Variants in RHOA observed in about 807,000 individuals in gnomAD.
RHOA encodes ras homolog family member A, also known as transforming protein RhoA.
In RHOA, 3 loss-of-function variants were observed where a neutral mutation model predicts 17.5. The observed-to-expected ratio is 0.17, with a 90% CI of 0.08 to 0.44. The LOEUF (loss-of-function observed/expected upper bound fraction) is 0.44. Ranked by LOEUF, RHOA falls within the 20% of genes least tolerant of loss-of-function variation. The probability of loss-of-function intolerance (pLI) is 0.99; values close to 1 mark genes in which losing one functional copy is unlikely to be tolerated. For synonymous variants in RHOA, 98 were observed against 88.4 expected, an observed-to-expected ratio of 1.11 and a Z score of -0.61; for missense variants, 56 against 242.3, an observed-to-expected ratio of 0.23 and a Z score of 5.10.
chr3:49,387,031 C>T (rs1234770693), intron 1 of RHOA, among the ~76,000 whole-genome samples: 62 of 133,192 alleles, frequency 4.7e-4, no homozygotes, highest in African/African-American at 1.6e-3. Flanking sequence ...GCAGGAGAAC[C>T]GCTTGAACCT....
Position 49,402,458 on chromosome 3 carries a change from G to C in RHOA, c.-3+9362C>G, listed in dbSNP as rs549272376. The stretch of plus-strand genomic sequence containing the variant: ...ATAATCCCACCACTTTGCGAGGCCA[G>C]AGCTCAGGAGTTAGAGACCAGCCTG... On this transcript the variant is annotated intron_variant, in intron 1 of 4. Coordinates refer to ENST00000418115, the MANE Select transcript of RHOA (RefSeq NM_001664.4). Among the ~76,000 whole-genome samples, 14 of 152,236 alleles carry C rather than the reference G, an allele frequency of 9.2e-5. No individual in the cohort carries two copies. The South Asian group carries it at 2.7e-3, about 29-fold the overall frequency.
intron 1 of RHOA, among the ~76,000 whole-genome samples, chr3:49,396,776 C>G (rs188489014): frequency 6.6e-6 from 1 of 151,936 alleles, no homozygotes; most frequent in African/African-American, 2.4e-5. Context: ...TGCTTAAGCA[C>G]GAGTTCAACA....
chr3:49,361,777 A>G (rs1167442072), intron 4 of RHOA, among the ~76,000 whole-genome samples: 1 of 152,204 alleles, frequency 6.6e-6, no homozygotes, highest in Non-Finnish European at 1.5e-5. Flanking sequence ...GCAACTTGGG[A>G]GGCTGAGGCA....
chr3:49,401,254 G>C (rs1345570467), intron 1 of RHOA, among the ~76,000 whole-genome samples: 2 of 152,044 alleles, frequency 1.3e-5, no homozygotes, highest in East Asian at 1.9e-4. Context: ...ACCAGGTGTG[G>C]TGGCTCACAA....
chr3:49,392,082 C>A (rs1362393442), intron 1 of RHOA, among the ~76,000 whole-genome samples: 2 of 151,890 alleles, frequency 1.3e-5, no homozygotes, highest in African/African-American at 4.8e-5. Flanking sequence ...CAGCCTCAGC[C>A]CCCGCAAAGT....
At chr3:49,372,401 C>G (rs1001602982) in intron 2 of RHOA, among the ~76,000 whole-genome samples, 7 of 152,132 alleles carry the variant, frequency 4.6e-5, no homozygotes, top group African/African-American at 1.2e-4. Context: ...TTCCTATTAG[C>G]ATAAGAGCAA....
chr3:49,361,627 T>C (rs1393056562), intron 4 of RHOA, among the ~76,000 whole-genome samples: 5 of 152,144 alleles, frequency 3.3e-5, no homozygotes, highest in Non-Finnish European at 7.4e-5. Flanking sequence ...ACACCTGTAA[T>C]CCCAGCACTT....
chr3:49,364,466 C>CAAG (rs2048022443), intron 3 of RHOA, among the ~76,000 whole-genome samples: 1 of 151,206 alleles, frequency 6.6e-6, no homozygotes, highest in African/African-American at 2.4e-5. Context: ...GCCTGGGCAA[C>CAAG]AAGAGCGAAA....
intron 2 of RHOA, among the ~76,000 whole-genome samples, chr3:49,374,628 A>G (rs1018689773): frequency 6.6e-6 from 1 of 152,130 alleles, no homozygotes; most frequent in African/African-American, 2.4e-5. Context: ...AGGCTGAGGC[A>G]AAAGAATTGC....
At chr3:49,388,203 T>C (rs1430432726) in intron 1 of RHOA, among the ~76,000 whole-genome samples, 1 of 151,970 alleles carries the variant, frequency 6.6e-6, no homozygotes. Flanking sequence ...GGTGTGTGTG[T>C]GGAGACGGGG....
intron 1 of RHOA, among the ~76,000 whole-genome samples, chr3:49,392,629 G>C (rs1377050259): frequency 3.9e-5 from 6 of 152,092 alleles, no homozygotes; most frequent in Non-Finnish European, 7.4e-5. Context: ...TTACAGGTGT[G>C]AACTACTGCA....
intron 1 of RHOA, among the ~76,000 whole-genome samples, chr3:49,408,402 G>C (rs1336842772): frequency 6.6e-6 from 1 of 152,116 alleles, no homozygotes; most frequent in African/African-American, 2.4e-5. Flanking sequence ...AATTTAGCAA[G>C]AGTATTTGAT....
chr3:49,407,693 G>A (rs558409405), intron 1 of RHOA, among the ~76,000 whole-genome samples: 2 of 151,818 alleles, frequency 1.3e-5, no homozygotes, highest in East Asian at 1.9e-4. Flanking sequence ...TCTAATCTCA[G>A]AACAAATCCA....
In RHOA at chr3:49,359,401, G is replaced by C. The variant is rs898523472; in HGVS notation, c.*808C>G. On this transcript the variant is annotated 3_prime_UTR_variant, in exon 5 of 5. Transcript: ENST00000418115. ...CGTGAAACCAATTCCTATTTACTTA[G>C]CCCAGCTCCATGGGGTACTGAGATA... 1 of 187,664 alleles carries C rather than the reference G, an allele frequency of 5.3e-6. No individual in the cohort carries two copies. Among genetic ancestry groups the C allele is most frequent in the African/African-American group, 2.3e-5 (1 of 42,730 alleles). The allele number at this position is 187,664 out of a possible 1,614,324, so 11.6% of individuals were successfully genotyped here.
chr3:49,366,908 T>G (rs2048065522), intron 3 of RHOA: 1 of 152,224 alleles, frequency 6.6e-6, no homozygotes, highest in East Asian at 1.9e-4. Flanking sequence ...ACCCACCTGC[T>G]GCCCTGTCAT....
intron 2 of RHOA, among the ~76,000 whole-genome samples, chr3:49,374,265 C>T (rs1431733114): frequency 2.6e-5 from 4 of 152,074 alleles, no homozygotes; most frequent in South Asian, 4.1e-4. Flanking sequence ...AGGAGAACAG[C>T]GTGAACCCAG....
chr3:49,410,556 A>G (rs1182469787), intron 1 of RHOA, among the ~76,000 whole-genome samples: 1 of 152,236 alleles, frequency 6.6e-6, no homozygotes, highest in Non-Finnish European at 1.5e-5. Flanking sequence ...AGATCCTTCA[A>G]TAAGTCATTC....
intron 1 of RHOA, among the ~76,000 whole-genome samples, chr3:49,389,302 G>A (rs12489985): frequency 7.9e-5 from 12 of 151,928 alleles, no homozygotes; most frequent in Admixed American, 5.3e-4. Context: ...GCGACAAAGC[G>A]AGACTCCATC....
chr3:49,366,205 G>T (rs146978373), intron 3 of RHOA, among the ~76,000 whole-genome samples: 7 of 152,286 alleles, frequency 4.6e-5, no homozygotes, highest in African/African-American at 1.7e-4. Context: ...GTGTGTATCT[G>T]ATAGGAGAGT....
Sources: gnomAD v4.1 joint callset for allele counts (sites outside exome capture counted in the v4.1 genomes callset) on GRCh38, gnomAD v4.1.1 for gene constraint, MANE v1.5 for transcripts, NCBI Gene and HGNC (gene_info 2026-07-23, HGNC 2026-07-21) for gene names.